The following EFCAB8 variants were observed in gnomAD, a reference collection of about 807,000 sequenced individuals.
EFCAB8 encodes the protein EF-hand calcium-binding domain-containing protein 8.
A neutral mutation model predicts 116.3 loss-of-function variants in EFCAB8; 100 were observed. The observed-to-expected ratio is 0.86, with a 90% confidence interval of 0.73 to 1.02. The LOEUF (loss-of-function observed/expected upper bound fraction) is 1.02. Ranked by LOEUF, EFCAB8 falls within the 50% of genes least tolerant of loss-of-function variation. The pLI is 0.00. For synonymous variants in EFCAB8, 558 were observed against 567.9 expected (o/e 0.98, Z 0.25); for missense variants, 1,320 against 1,416.9 (o/e 0.93, Z 1.10).
chr20:32,960,579 A>G (rs1989115743), intron 26 of EFCAB8, among the ~76,000 whole-genome samples: 1 of 152,238 alleles, frequency 6.6e-6, no homozygotes, highest in East Asian at 1.9e-4. Context: ...GACAGGGTAA[A>G]CGGAGTGGCT....
intron 20 of EFCAB8, among the ~76,000 whole-genome samples, chr20:32,923,140 T>C (rs1044012371): frequency 2.0e-5 from 3 of 152,178 alleles, no homozygotes; most frequent in Non-Finnish European, 4.4e-5. Flanking sequence ...GCTGTGATTG[T>C]GCCACTGCAC....
At chr20:32,910,476 C>T (rs905805247) in intron 15 of EFCAB8, among the ~76,000 whole-genome samples, 2 of 152,030 alleles carry the variant, frequency 1.3e-5, no homozygotes, top group Non-Finnish European at 2.9e-5. Context: ...GCCCTCTGCT[C>T]ACTCCCACCC....
intron 14 of EFCAB8, among the ~76,000 whole-genome samples, 175 bp from the exon 15 acceptor site, chr20:32,909,646 T>G: frequency 6.6e-6 from 1 of 150,402 alleles, no homozygotes; most frequent in Admixed American, 6.6e-5. Flanking sequence ...GGCCATGGAG[T>G]AGGGTGGGGG....
chr20:32,927,489 T>C (rs6120041), intron 20 of EFCAB8, among the ~76,000 whole-genome samples: 3,108 of 152,146 alleles, frequency 0.02, 109 homozygotes, highest in African/African-American at 0.07. Context: ...GGATTAAAGG[T>C]GCCCGCCACC....
chr20:32,917,179 G>C, intron 17 of EFCAB8, 122 bp from the exon 18 acceptor site: 1 of 749,196 alleles, frequency 1.3e-6, no homozygotes, highest in Non-Finnish European at 2.2e-6. Flanking sequence ...GCCCAGCTCC[G>C]ACACCTGAGA....
At chr20:32,929,876 A>G (rs1415229259) in intron 20 of EFCAB8, among the ~76,000 whole-genome samples, 1 of 152,214 alleles carries the variant, frequency 6.6e-6, no homozygotes, top group Non-Finnish European at 1.5e-5. Flanking sequence ...CACAGGTGTG[A>G]CATGTAAGGG....
intron 23 of EFCAB8, among the ~76,000 whole-genome samples, chr20:32,945,103 G>A (rs1417843912): frequency 6.6e-6 from 1 of 151,514 alleles, no homozygotes; most frequent in Non-Finnish European, 1.5e-5. Context: ...GATGACTTTT[G>A]AATTCAATTA....
intron 23 of EFCAB8, among the ~76,000 whole-genome samples, chr20:32,947,357 C>T (rs1988628354): frequency 6.6e-6 from 1 of 152,086 alleles, no homozygotes; most frequent in Admixed American, 6.6e-5. Flanking sequence ...CACTATCAAA[C>T]AATTTTACTT....
chr20:32,877,151 A>G (rs1462849412), intron 4 of EFCAB8, among the ~76,000 whole-genome samples: 2 of 150,190 alleles, frequency 1.3e-5, no homozygotes, highest in Non-Finnish European at 3.0e-5. Context: ...TCCTCAGCAT[A>G]GGTATACATT....
At chr20:32,904,405 A>G (rs1390648142) in intron 11 of EFCAB8, among the ~76,000 whole-genome samples, 1 of 148,288 alleles carries the variant, frequency 6.7e-6, no homozygotes, top group East Asian at 2.0e-4. Context: ...GGTTCTAGCA[A>G]TCCTCCCACC....
At chr20:32,935,188 C>CTTTAT (rs754022404) in intron 22 of EFCAB8, among the ~76,000 whole-genome samples, 1 of 66,928 alleles carries the variant, frequency 1.5e-5, no homozygotes, top group Non-Finnish European at 2.7e-5. Context: ...TTCTTTCTTT[C>CTTTAT]TTTCTTTTTT....
intron 11 of EFCAB8, 47 bp downstream of exon 11, chr20:32,898,670 G>C (rs1211609305): frequency 2.8e-6 from 2 of 706,100 alleles, no homozygotes; most frequent in Admixed American, 2.0e-5. Context: ...CTGGAAGGGA[G>C]GGGGGTGGTG....
chr20:32,886,744 G>A (rs1251234471), intron 6 of EFCAB8, among the ~76,000 whole-genome samples: 1 of 152,208 alleles, frequency 6.6e-6, no homozygotes, highest in African/African-American at 2.4e-5. Flanking sequence ...AAAGGCTGAA[G>A]GGGACAGAGG....
At chr20:32,876,147 G>A (rs1984960037) in intron 4 of EFCAB8, 103 bp downstream of exon 4, 2 of 1,012,616 alleles carry the variant, frequency 2.0e-6, no homozygotes, top group Non-Finnish European at 3.0e-6. Flanking sequence ...CACGATGTGG[G>A]AAAGCCTCCC....
At chr20:32,916,141 G>A (rs1316684825) in intron 17 of EFCAB8, among the ~76,000 whole-genome samples, 6 of 152,342 alleles carry the variant, frequency 3.9e-5, no homozygotes, top group Admixed American at 2.6e-4. Context: ...TCTGGAGGAA[G>A]TTCTTAGATT....
chr20:32,897,107 G>A (rs565048469), intron 10 of EFCAB8, among the ~76,000 whole-genome samples: 7 of 152,188 alleles, frequency 4.6e-5, no homozygotes, highest in African/African-American at 1.4e-4. Context: ...CAGGCCGCGG[G>A]GCTCTCCCCT....
intron 20 of EFCAB8, among the ~76,000 whole-genome samples, chr20:32,925,919 G>A (rs1393064668): frequency 1.3e-5 from 2 of 152,232 alleles, no homozygotes; most frequent in Non-Finnish European, 2.9e-5. Context: ...GTATTGGATG[G>A]GGCTGGATGC....
At chr20:32,949,762 G>A (rs1988739888) in intron 23 of EFCAB8, among the ~76,000 whole-genome samples, 1 of 152,228 alleles carries the variant, frequency 6.6e-6, no homozygotes, top group South Asian at 2.1e-4. Context: ...ACTTTGGGAG[G>A]ATGAGGTGGG....
At chr20:32,896,391 G>A in intron 9 of EFCAB8, 63 bp from the exon 10 acceptor site, 1 of 707,288 alleles carries the variant, frequency 1.4e-6, no homozygotes, top group Non-Finnish European at 2.6e-6. Context: ...GTCTTCTGAG[G>A]CTTTGCTTGC....
Sources: gnomAD v4.1 joint callset for allele counts (sites outside exome capture counted in the v4.1 genomes callset) on GRCh38, gnomAD v4.1.1 for gene constraint, MANE v1.5 for transcripts, NCBI Gene and HGNC (gene_info 2026-07-23, HGNC 2026-07-21) for gene names.